SAMHD1: variants seen among roughly 807,000 people sequenced by gnomAD.
The protein encoded by SAMHD1 is SAM and HD domain containing deoxynucleoside triphosphate triphosphohydrolase 1.
In SAMHD1, 54 loss-of-function variants were observed where a neutral mutation model predicts 79.6. The observed-to-expected ratio is 0.68, with a 90% CI of 0.55 to 0.85. SAMHD1 has a LOEUF of 0.85. SAMHD1 is among the 40% of genes least tolerant of loss of function. The pLI is 0.00. For synonymous variants in SAMHD1, 260 were observed against 264.1 expected (o/e 0.98, Z 0.15); for missense variants, 663 against 782.7 (o/e 0.85, Z 1.82).
rs2146151079 is a variant in SAMHD1, at chr20:36,946,486, C to G, written c.275+252G>C. ...CCTGTAATCCTAGCTACTCAGGAGG[C>G]TGAGGCAGGAGAATAACTTGAAGCC... On this transcript the variant is annotated intron_variant, in intron 2 of 15. Coordinates refer to ENST00000646673, the MANE Select transcript of SAMHD1 (RefSeq NM_015474.4). 1.7e-5 allele frequency: 7 copies of G among 419,728 alleles called. 1 individual carries two copies. Among genetic ancestry groups the G allele is most frequent in the South Asian group, 1.4e-4 (6 of 42,964 alleles). 26.0% of individuals were successfully genotyped at this position (419,728 alleles called of 1,614,324 possible).
chr20:36,934,850 G>A (rs1281653421), intron 4 of SAMHD1, 179 bp downstream of exon 4: 1 of 575,030 alleles, frequency 1.7e-6, no homozygotes, highest in Non-Finnish European at 3.2e-6. Context: ...TAAAGATGGG[G>A]TTTCACAATG....
downstream of SAMHD1, chr20:36,890,070 G>A (rs1445361570): frequency 1.3e-5 from 2 of 152,258 alleles, no homozygotes; most frequent in African/African-American, 2.4e-5. Flanking sequence ...CTGGCCTGCT[G>A]CAGAATGTTG....
chr20:36,927,122 C>T (rs1443353305), intron 6 of SAMHD1, 60 bp downstream of exon 6: 19 of 1,441,822 alleles, frequency 1.3e-5, no homozygotes, highest in Non-Finnish European at 1.9e-5. Flanking sequence ...GATAAATTAA[C>T]TAAATAACCT....
intron 4 of SAMHD1, among the ~76,000 whole-genome samples, chr20:36,931,250 G>C (rs2063566328): frequency 6.6e-6 from 1 of 152,180 alleles, no homozygotes; most frequent in Non-Finnish European, 1.5e-5. Context: ...ATGGAAAACA[G>C]TATGGGTGCT....
At chr20:36,915,079 C>T (rs1469996151) in intron 9 of SAMHD1, among the ~76,000 whole-genome samples, 2 of 152,070 alleles carry the variant, frequency 1.3e-5, no homozygotes, top group African/African-American at 2.4e-5. Context: ...TGCAGTGGCT[C>T]ACACCTATAA....
chr20:36,897,120 C>T (rs1032237289), intron 15 of SAMHD1, among the ~76,000 whole-genome samples: 8 of 152,216 alleles, frequency 5.3e-5, no homozygotes, highest in Non-Finnish European at 1.2e-4. Flanking sequence ...GATAAAGCAC[C>T]GACATCCTGA....
intron 9 of SAMHD1, among the ~76,000 whole-genome samples, chr20:36,916,158 C>T (rs1476316856): frequency 1.3e-5 from 2 of 149,840 alleles, no homozygotes; most frequent in East Asian, 3.9e-4. Flanking sequence ...GAGACTCCGT[C>T]TCAAAAAAAA....
Position 36,891,151 on chromosome 20 carries a change from T to C in SAMHD1, c.*1781A>G, listed in dbSNP as rs1322852368. On this transcript the variant is annotated 3_prime_UTR_variant, in exon 16 of 16. Coordinates refer to ENST00000646673, the MANE Select transcript of SAMHD1 (RefSeq NM_015474.4). ...AACAAATCCCCTTGATACAGCACCA[T>C]GGTAGGCATGAGAGGAGAAGTGTTT... 1 of 152,218 alleles carries C rather than the reference T, an allele frequency of 6.6e-6. No homozygotes were observed. Among genetic ancestry groups the C allele is most frequent in the Non-Finnish European group, 1.5e-5 (1 of 68,042 alleles). The allele number at this position is 152,218 out of a possible 1,614,324, so 9.4% of individuals were successfully genotyped here.
intron 6 of SAMHD1, among the ~76,000 whole-genome samples, chr20:36,922,093 A>G (rs902565881): frequency 6.6e-6 from 1 of 152,228 alleles, no homozygotes; most frequent in Non-Finnish European, 1.5e-5. Flanking sequence ...AAAATAGCTC[A>G]GTTGCTCTTT....
In SAMHD1 at chr20:36,942,470, C is replaced by T. The variant is rs140110644; in HGVS notation, c.276-1359G>A. On this transcript the variant is annotated intron_variant, in intron 2 of 15. Coordinates refer to ENST00000646673, the MANE Select transcript of SAMHD1 (RefSeq NM_015474.4). Reference sequence around the variant, plus strand: ...TCACTGATTAGAGTATATAAAACCACCCAAAACCAGGGGGTTGTTTTGTTT... The same window carrying T: ...TCACTGATTAGAGTATATAAAACCATCCAAAACCAGGGGGTTGTTTTGTTT... Among the ~76,000 whole-genome samples, 984 of 152,158 alleles carry T rather than the reference C, an allele frequency of 6.5e-3. 7 individuals are homozygous for T. Among genetic ancestry groups the T allele is most frequent in the African/African-American group, 0.02 (810 of 41,522 alleles).
At chr20:36,931,508 G>C (rs528295623) in intron 4 of SAMHD1, among the ~76,000 whole-genome samples, 7 of 151,982 alleles carry the variant, frequency 4.6e-5, no homozygotes, top group African/African-American at 1.7e-4. Context: ...ATGGTGGCAG[G>C]TACCTGTAAT....
intron 1 of SAMHD1, among the ~76,000 whole-genome samples, chr20:36,949,133 G>A (rs550059456): frequency 5.3e-5 from 8 of 151,050 alleles, no homozygotes; most frequent in African/African-American, 1.9e-4. Flanking sequence ...GCGTGGTGGC[G>A]TGCACCTGTA....
At chr20:36,942,919 G>A (rs1357424621) in intron 2 of SAMHD1, among the ~76,000 whole-genome samples, 1 of 152,166 alleles carries the variant, frequency 6.6e-6, no homozygotes, top group African/African-American at 2.4e-5. Flanking sequence ...GCCTCCCAAA[G>A]TGCTGGGATT....
rs2148352175 is a variant in SAMHD1, at chr20:36,892,994, G to C, written c.1819C>G (p.Pro607Ala). The C allele has an allele frequency of 6.2e-7, 1 of 1,614,060 alleles. No homozygotes were observed. Among genetic ancestry groups the C allele is most frequent in the South Asian group, 1.1e-5 (1 of 91,052 alleles). ...TTGGATGCTTCTCGGAGGCGAGTTG[G>C]ATTTTGGACTGAAGTACTGTCGTTC... ...EWNDSTSVQN[P>A]TRLREASKSR... The change falls in exon 16 of 16, where the codon CCA becomes GCA. Residue 607 changes from proline to alanine, a missense_variant. Transcript: ENST00000646673.
intron 15 of SAMHD1, among the ~76,000 whole-genome samples, chr20:36,896,487 C>T (rs1990200216): frequency 6.6e-6 from 1 of 152,108 alleles, no homozygotes; most frequent in Non-Finnish European, 1.5e-5. Flanking sequence ...GCCAATTATC[C>T]AAGGTTCTCA....
At chr20:36,926,244 G>A (rs2063535460) in intron 6 of SAMHD1, among the ~76,000 whole-genome samples, 1 of 151,942 alleles carries the variant, frequency 6.6e-6, no homozygotes, top group East Asian at 1.9e-4. Flanking sequence ...CACTACGTAG[G>A]CGATAAAAAA....
rs1990051957 is a variant in SAMHD1 at position 36,890,644 on chromosome 20, A to T, written c.*2288T>A. 1 of 151,854 alleles carries T rather than the reference A, an allele frequency of 6.6e-6. No individual in the cohort carries two copies. Among genetic ancestry groups the T allele is most frequent in the Non-Finnish European group, 1.5e-5 (1 of 67,978 alleles). The allele number at this position is 151,854 out of a possible 1,614,324, so 9.4% of individuals were successfully genotyped here. ...CACGCCCGGCTAATTTCACCCGGCT[A>T]ATTTTTGTATTTTTAGTAGAGACTG... On this transcript the variant is annotated 3_prime_UTR_variant, in exon 16 of 16. Coordinates refer to ENST00000646673, the MANE Select transcript of SAMHD1 (RefSeq NM_015474.4).
chr20:36,930,391 G>A (rs2063561323), intron 5 of SAMHD1, among the ~76,000 whole-genome samples: 1 of 152,004 alleles, frequency 6.6e-6, no homozygotes, highest in East Asian at 1.9e-4. Context: ...AGCTACTCGG[G>A]AGGCTGAGGC....
chr20:36,898,582 CAGG>C, intron 13 of SAMHD1, 38 bp from the exon 14 acceptor site: 6 of 1,492,558 alleles, frequency 4.0e-6, no homozygotes, highest in Non-Finnish European at 5.6e-6. Context: ...ATATAGCAAG[CAGG>C]AGAACTGAAC....
Sources: allele counts gnomAD v4.1 joint callset (sites outside exome capture counted in the v4.1 genomes callset), GRCh38; gene constraint gnomAD v4.1.1; transcripts MANE v1.5; gene names NCBI Gene and HGNC (gene_info 2026-07-23, HGNC 2026-07-21).